The following LGSN variants were observed in gnomAD, a reference collection of about 807,000 sequenced individuals.
LGSN encodes the protein lengsin, lens protein with glutamine synthetase domain.
Under a neutral mutation model 19.5 loss-of-function variants are expected in LGSN, and 21 were observed. That is an observed-to-expected ratio of 1.07 (90% confidence interval 0.76 to 1.55). The LOEUF (loss-of-function observed/expected upper bound fraction) is 1.55, where lower values mean the gene tolerates loss of function less well. LGSN is among the 40% of genes most tolerant of loss of function. The pLI, the probability that LGSN is intolerant of heterozygous loss-of-function variation, is 0.00. For missense variants in LGSN, 673 were observed against 608.5 expected (o/e 1.11, Z -1.12); for synonymous variants, 257 against 215.6 (o/e 1.19, Z -1.68).
At chr6:63,542,645 G>T in the LGSN span, among the ~76,000 whole-genome samples, 1 of 152,108 alleles carries the variant, frequency 6.6e-6, no homozygotes, top group South Asian at 2.1e-4. Flanking sequence ...TCACATAGTT[G>T]ACCAGTTTTC....
the LGSN span, among the ~76,000 whole-genome samples, chr6:63,401,143 C>T: frequency 6.6e-6 from 1 of 151,844 alleles, no homozygotes. Context: ...ACTCAGAGTT[C>T]TCCAATTATT....
chr6:63,330,352 T>C, the LGSN span, among the ~76,000 whole-genome samples: 1 of 152,198 alleles, frequency 6.6e-6, no homozygotes, highest in Non-Finnish European at 1.5e-5. Flanking sequence ...TTTTTCCTTT[T>C]GGGCCTGTTC....
At chr6:63,416,967 A>C in the LGSN span, among the ~76,000 whole-genome samples, 2 of 151,194 alleles carry the variant, frequency 1.3e-5, no homozygotes, top group African/African-American at 4.9e-5. Flanking sequence ...ACATTTAACG[A>C]AAGTCGAACT....
chr6:63,432,579 C>A, the LGSN span, among the ~76,000 whole-genome samples: 1 of 151,844 alleles, frequency 6.6e-6, no homozygotes, highest in East Asian at 1.9e-4. Flanking sequence ...GTAGTCCCAG[C>A]TACTCGGGAG....
chr6:63,399,610 G>A, the LGSN span, among the ~76,000 whole-genome samples: 12 of 151,972 alleles, frequency 7.9e-5, no homozygotes, highest in South Asian at 2.5e-3. Context: ...TGGGCAGGCT[G>A]ATCTCGAACT....
At chr6:63,363,295 C>T in the LGSN span, among the ~76,000 whole-genome samples, 942 of 152,346 alleles carry the variant, frequency 6.2e-3, 7 homozygotes, top group African/African-American at 0.021. Flanking sequence ...GCCTCTTCTC[C>T]TCCAAAGGAA....
intron 1 of LGSN, among the ~76,000 whole-genome samples, chr6:63,311,189 T>C (rs973334076): frequency 6.6e-6 from 1 of 152,220 alleles, no homozygotes. Context: ...AGAATCTTGA[T>C]CATACCGGTT....
At chr6:63,552,287 T>A in the LGSN span, among the ~76,000 whole-genome samples, 2 of 152,260 alleles carry the variant, frequency 1.3e-5, no homozygotes, top group African/African-American at 4.8e-5. Flanking sequence ...TGGCCAGTGA[T>A]GGTGAGCATT....
At chr6:63,396,670 G>A in the LGSN span, 1 of 153,268 alleles carries the variant, frequency 6.5e-6, no homozygotes, top group African/African-American at 2.4e-5. Flanking sequence ...CTCTTGCTGG[G>A]GTGGAGGGGC....
chr6:63,380,134 G>A, the LGSN span, among the ~76,000 whole-genome samples: 16 of 152,062 alleles, frequency 1.1e-4, no homozygotes, highest in Admixed American at 4.6e-4. Context: ...CACCACGCCC[G>A]GCCTCATAAA....
the LGSN span, among the ~76,000 whole-genome samples, chr6:63,327,279 A>G: frequency 4.6e-5 from 7 of 152,204 alleles, no homozygotes; most frequent in Non-Finnish European, 1.0e-4. Flanking sequence ...CAAATTTGAC[A>G]AGAAGGTTAA....
At chr6:63,498,395 C>T in the LGSN span, among the ~76,000 whole-genome samples, 1 of 152,058 alleles carries the variant, frequency 6.6e-6, no homozygotes, top group Non-Finnish European at 1.5e-5. Context: ...TGCCCCAACC[C>T]ATTATTCCCT....
the LGSN span, among the ~76,000 whole-genome samples, chr6:63,358,827 T>C: frequency 6.6e-6 from 1 of 152,136 alleles, no homozygotes; most frequent in South Asian, 2.1e-4. Context: ...CCTTTATTTT[T>C]TTCTCCTGCC....
chr6:63,344,174 G>A, the LGSN span, among the ~76,000 whole-genome samples: 1 of 152,132 alleles, frequency 6.6e-6, no homozygotes, highest in Non-Finnish European at 1.5e-5. Context: ...ATAATAAATA[G>A]GTGTTGTCCC....
At chr6:63,366,591 T>C in the LGSN span, among the ~76,000 whole-genome samples, 1 of 152,086 alleles carries the variant, frequency 6.6e-6, no homozygotes, top group Non-Finnish European at 1.5e-5. Context: ...AAAAACTACT[T>C]TAAAGTTCAT....
At chr6:63,422,380 A>C in the LGSN span, among the ~76,000 whole-genome samples, 1 of 152,160 alleles carries the variant, frequency 6.6e-6, no homozygotes, top group African/African-American at 2.4e-5. Flanking sequence ...AAAAATCTTA[A>C]AACAGTAAGA....
chr6:63,322,482 T>A (rs943021934), upstream of LGSN, among the ~76,000 whole-genome samples: 1 of 152,200 alleles, frequency 6.6e-6, no homozygotes, highest in African/African-American at 2.4e-5. Flanking sequence ...ACTTCCACCC[T>A]ACCTTTCTCC....
At position 63,278,882 on chromosome 6, in the gene LGSN, T is replaced by C. The variant is rs1176674386; in HGVS notation, c.*1139A>G. Reference sequence around the variant, plus strand: ...AAATTCTAATCCTCTGCTTGTGCAATTGCTATCTAAATTGAGACTACAGTC... The same window carrying C: ...AAATTCTAATCCTCTGCTTGTGCAACTGCTATCTAAATTGAGACTACAGTC... On this transcript the variant is annotated 3_prime_UTR_variant, in exon 4 of 4. Transcript: ENST00000370657. The C allele has an allele frequency of 1.3e-5, 2 of 152,190 alleles. No individual in the cohort carries two copies. The highest frequency in any genetic ancestry group is 2.9e-5 in the Non-Finnish European group (2 of 68,038). 9.4% of individuals were successfully genotyped at this position (152,190 alleles called of 1,614,324 possible).
At chr6:63,525,829 A>C in the LGSN span, among the ~76,000 whole-genome samples, 5 of 152,180 alleles carry the variant, frequency 3.3e-5, no homozygotes, top group Non-Finnish European at 4.4e-5. Context: ...ATCTCTTAAA[A>C]TAGTTGGTGT....
Sources: gnomAD v4.1 joint callset for allele counts (sites outside exome capture counted in the v4.1 genomes callset) on GRCh38, gnomAD v4.1.1 for gene constraint, MANE v1.5 for transcripts, NCBI Gene and HGNC (gene_info 2026-07-23, HGNC 2026-07-21) for gene names.